Variants in SCHIP1 observed in about 807,000 individuals in gnomAD.
The protein encoded by SCHIP1 is schwannomin-interacting protein 1.
A neutral mutation model predicts 29.7 loss-of-function variants in SCHIP1; 8 were observed. The ratio of observed to expected loss-of-function variants is 0.27; its 90% CI spans 0.16 to 0.49. The LOEUF is 0.49. SCHIP1 is among the 20% of genes least tolerant of loss of function. The pLI, the probability that SCHIP1 is intolerant of heterozygous loss-of-function variation, is 0.99. For synonymous variants in SCHIP1, 76 were observed against 94.9 expected (o/e 0.80, Z 1.16); for missense variants, 193 against 294.6 (o/e 0.66, Z 2.52).
At chr3:159,878,356 C>T (rs1716061590) in intron 2 of SCHIP1, among the ~76,000 whole-genome samples, 1 of 152,066 alleles carries the variant, frequency 6.6e-6, no homozygotes, top group Non-Finnish European at 1.5e-5. Context: ...GTGGCGGGTG[C>T]TTGTAGTCCA....
the SCHIP1 span, among the ~76,000 whole-genome samples, chr3:159,774,029 A>G: frequency 6.6e-6 from 1 of 152,372 alleles, no homozygotes; most frequent in African/African-American, 2.4e-5. Flanking sequence ...CTTAGAATTT[A>G]AAAGGCTTGC....
the SCHIP1 span, among the ~76,000 whole-genome samples, chr3:159,521,367 C>T: frequency 6.6e-6 from 1 of 152,166 alleles, no homozygotes; most frequent in African/African-American, 2.4e-5. Context: ...ACTATTTGTT[C>T]CATGCAAATA....
chr3:159,288,716 G>A, the SCHIP1 span, among the ~76,000 whole-genome samples: 2 of 152,186 alleles, frequency 1.3e-5, no homozygotes, highest in African/African-American at 2.4e-5. Context: ...CAACAAGAGC[G>A]AAACTCGGTC....
the SCHIP1 span, among the ~76,000 whole-genome samples, chr3:159,616,118 G>T: frequency 1.3e-5 from 2 of 150,302 alleles, no homozygotes; most frequent in Non-Finnish European, 2.9e-5. Flanking sequence ...CTGCTTTCCT[G>T]AGAGCTGACC....
chr3:159,296,060 TAATA>T, the SCHIP1 span, among the ~76,000 whole-genome samples: 2 of 151,846 alleles, frequency 1.3e-5, no homozygotes, highest in Admixed American at 1.3e-4. Flanking sequence ...TAATTTCCAA[TAATA>T]AATAATGTCA....
At chr3:159,773,146 T>C in the SCHIP1 span, among the ~76,000 whole-genome samples, 3 of 152,222 alleles carry the variant, frequency 2.0e-5, no homozygotes, top group African/African-American at 7.2e-5. Flanking sequence ...CCTTAGTGTT[T>C]TAATGAAAAG....
At chr3:159,756,149 T>C in the SCHIP1 span, among the ~76,000 whole-genome samples, 9 of 152,258 alleles carry the variant, frequency 5.9e-5, no homozygotes, top group Non-Finnish European at 1.3e-4. Flanking sequence ...TTGGGGGCTC[T>C]GACCCCACAT....
chr3:159,708,243 G>A, the SCHIP1 span, among the ~76,000 whole-genome samples: 1 of 152,176 alleles, frequency 6.6e-6, no homozygotes, highest in Non-Finnish European at 1.5e-5. Flanking sequence ...CACTCCAAAT[G>A]TAGGCAATTG....
chr3:159,564,999 T>G, the SCHIP1 span, among the ~76,000 whole-genome samples: 1 of 152,256 alleles, frequency 6.6e-6, no homozygotes, highest in Non-Finnish European at 1.5e-5. Flanking sequence ...CTGGATCATG[T>G]ATGTGCATGT....
chr3:159,365,769 T>C, the SCHIP1 span, among the ~76,000 whole-genome samples: 1 of 152,248 alleles, frequency 6.6e-6, no homozygotes, highest in East Asian at 1.9e-4. Flanking sequence ...GTGACCTCAG[T>C]GTGGCCCAAA....
chr3:159,359,400 G>A, the SCHIP1 span, among the ~76,000 whole-genome samples: 2 of 151,862 alleles, frequency 1.3e-5, no homozygotes, highest in Admixed American at 6.6e-5. Context: ...TGGGTCATAT[G>A]ACCTTGAGAA....
the SCHIP1 span, among the ~76,000 whole-genome samples, chr3:159,336,512 A>AT: frequency 6.6e-6 from 1 of 152,134 alleles, no homozygotes; most frequent in Non-Finnish European, 1.5e-5. Context: ...TCTTGAATTA[A>AT]TTTTTGTATA....
the SCHIP1 span, among the ~76,000 whole-genome samples, chr3:159,524,905 T>C: frequency 4.6e-5 from 7 of 152,210 alleles, no homozygotes; most frequent in Non-Finnish European, 1.0e-4. Context: ...GCACTCCTCA[T>C]GACCCCTACT....
At chr3:159,889,700 G>C (rs1717300757) in intron 5 of SCHIP1, among the ~76,000 whole-genome samples, 1 of 152,186 alleles carries the variant, frequency 6.6e-6, no homozygotes, top group Non-Finnish European at 1.5e-5. Context: ...AAAGAAAAGA[G>C]CATTTATGAG....
intron 6 of SCHIP1, chr3:159,893,544 T>C (rs1717760068): frequency 6.6e-6 from 1 of 152,168 alleles, no homozygotes; most frequent in African/African-American, 2.4e-5. Context: ...TTGTAAACTA[T>C]GATTTACCTG....
chr3:159,869,614 A>C (rs1185069953), intron 2 of SCHIP1, among the ~76,000 whole-genome samples: 1 of 151,922 alleles, frequency 6.6e-6, no homozygotes, highest in East Asian at 1.9e-4. Context: ...AATAGCTTCA[A>C]AATAAGTCCT....
chr3:159,302,766 A>G, the SCHIP1 span, among the ~76,000 whole-genome samples: 646 of 152,300 alleles, frequency 4.2e-3, 4 homozygotes, highest in African/African-American at 0.015. Flanking sequence ...GAGTGATCCA[A>G]CCATCCCAGT....
chr3:159,768,824 G>A, the SCHIP1 span, among the ~76,000 whole-genome samples: 30 of 152,266 alleles, frequency 2.0e-4, no homozygotes, highest in African/African-American at 6.3e-4. Flanking sequence ...CCAGTAGTTC[G>A]CATTGTGCCT....
At chr3:159,518,791 C>T in the SCHIP1 span, among the ~76,000 whole-genome samples, 1 of 151,958 alleles carries the variant, frequency 6.6e-6, no homozygotes, top group African/African-American at 2.4e-5. Flanking sequence ...CCAACAATTT[C>T]TAGTATGAAA....
Sources: gnomAD v4.1 joint callset for allele counts (sites outside exome capture counted in the v4.1 genomes callset) on GRCh38, gnomAD v4.1.1 for gene constraint, MANE v1.5 for transcripts, NCBI Gene and HGNC (gene_info 2026-07-23, HGNC 2026-07-21) for gene names.